The following TMEM184B variants were observed in gnomAD, a reference collection of about 807,000 sequenced individuals.
The protein encoded by TMEM184B is putative MAPK-activating protein FM08.
Under a neutral mutation model 41.8 loss-of-function variants are expected in TMEM184B, and 17 were observed. That is an observed-to-expected ratio of 0.41 (90% confidence interval 0.28 to 0.61). The LOEUF (loss-of-function observed/expected upper bound fraction) is 0.61. Among genes scored for constraint, TMEM184B ranks in the 20% least tolerant of loss-of-function variants. The pLI, the probability that TMEM184B is intolerant of heterozygous loss-of-function variation, is 0.34. For synonymous variants in TMEM184B, 240 were observed against 229.5 expected (o/e 1.05, Z -0.41); for missense variants, 393 against 557.8 (o/e 0.70, Z 2.98).
intron 1 of TMEM184B, among the ~76,000 whole-genome samples, chr22:38,254,155 C>T (rs1019887062): frequency 9.6e-5 from 14 of 145,306 alleles, no homozygotes; most frequent in African/African-American, 3.5e-4. Context: ...GAGCCAAGAT[C>T]GTGCCATTGC....
intron 1 of TMEM184B, among the ~76,000 whole-genome samples, chr22:38,269,224 C>T (rs764990497): frequency 9.2e-5 from 14 of 152,202 alleles, no homozygotes; most frequent in Non-Finnish European, 2.1e-4. Flanking sequence ...CTCCTAGTGA[C>T]CATTTCTTTT....
At chr22:38,247,257 T>A (rs888920146) in intron 2 of TMEM184B, among the ~76,000 whole-genome samples, 1 of 152,228 alleles carries the variant, frequency 6.6e-6, no homozygotes, top group Non-Finnish European at 1.5e-5. Context: ...GGCTCTCTGT[T>A]GTTTAGGCTG....
intron 3 of TMEM184B, among the ~76,000 whole-genome samples, chr22:38,240,465 T>C (rs1209015321): frequency 6.6e-6 from 1 of 150,738 alleles, no homozygotes; most frequent in East Asian, 2.0e-4. Context: ...GCCAGAAAAT[T>C]ATAAAGAAAA....
At chr22:38,224,370 T>A (rs766872858) in intron 8 of TMEM184B, among the ~76,000 whole-genome samples, 116 of 152,202 alleles carry the variant, frequency 7.6e-4, no homozygotes, top group Non-Finnish European at 7.5e-4. Flanking sequence ...CGCCTCGGCC[T>A]CCCAAAGTGC....
rs373757288 is a variant in TMEM184B, at chr22:38,243,824, C to T, written c.358+2111G>A. ...AGGAAGTAGGCATCTCCCATGGGCC[C>T]GGCTCTGTCTGGGCATGGCTGCACC... On this transcript the variant is annotated intron_variant, in intron 3 of 8. Coordinates refer to ENST00000361906, the MANE Select transcript of TMEM184B (RefSeq NM_012264.5). Among the ~76,000 whole-genome samples the T allele has an allele frequency of 2.6e-4, 39 of 152,300 alleles. No individual in the cohort carries two copies. The South Asian group carries it at 7.2e-3, about 28-fold the overall frequency.
downstream of TMEM184B, among the ~76,000 whole-genome samples, chr22:38,219,088 CTGGCTGGAGGT>C (rs1405845435): frequency 1.3e-5 from 2 of 152,228 alleles, no homozygotes; most frequent in African/African-American, 2.4e-5. Flanking sequence ...GGGTTGGGAA[CTGGCTGGAGGT>C]TGGGGAGACC....
chr22:38,227,223 C>T (rs1342487295), intron 5 of TMEM184B, among the ~76,000 whole-genome samples: 3 of 151,896 alleles, frequency 2.0e-5, no homozygotes, highest in Admixed American at 6.5e-5. Flanking sequence ...TGGCAGGGCA[C>T]GATGGAGGCG....
chr22:38,239,106 A>C lies in TMEM184B; in HGVS notation c.358+6829T>G, dbSNP rs1313615648. Among the ~76,000 whole-genome samples, 1 of 152,144 alleles carries C rather than the reference A, an allele frequency of 6.6e-6. No individual in the cohort carries two copies. The highest frequency in any genetic ancestry group is 1.5e-5 in the Non-Finnish European group (1 of 68,018). ...CCAGCACTGTCTCAGAGTTGTCTTTATGGCCCACCCCCAACCCCACAATCA... is the reference window on the plus strand; with the variant it reads ...CCAGCACTGTCTCAGAGTTGTCTTTCTGGCCCACCCCCAACCCCACAATCA... On this transcript the variant is annotated intron_variant, in intron 3 of 8. Coordinates refer to ENST00000361906, the MANE Select transcript of TMEM184B (RefSeq NM_012264.5). The surrounding 1 kb of genome is among the most constrained non-coding windows in gnomAD (Gnocchi z 4.6).
intron 3 of TMEM184B, among the ~76,000 whole-genome samples, chr22:38,238,974 A>C (rs1484767691): frequency 6.6e-6 from 1 of 152,222 alleles, no homozygotes; most frequent in African/African-American, 2.4e-5. Context: ...AAAACTGTGA[A>C]ATGCCACGCA....
chr22:38,247,498 G>C (rs1044041175), intron 2 of TMEM184B, among the ~76,000 whole-genome samples: 3 of 152,248 alleles, frequency 2.0e-5, no homozygotes, highest in African/African-American at 4.8e-5. Flanking sequence ...TACTCAGGAG[G>C]CTGAGGCAGG....
chr22:38,259,506 G>A (rs1192107460), intron 1 of TMEM184B, among the ~76,000 whole-genome samples: 1 of 152,212 alleles, frequency 6.6e-6, no homozygotes, highest in Non-Finnish European at 1.5e-5. Flanking sequence ...GCGTGACAAA[G>A]GAAGCAGAGA....
chr22:38,223,469 C>T (rs1419617888), intron 8 of TMEM184B: 1 of 152,400 alleles, frequency 6.6e-6, no homozygotes, highest in African/African-American at 2.4e-5. Context: ...CCTTTGTGCA[C>T]CTGCTCTTTG....
Position 38,225,566 on chromosome 22 carries a change from G to C in TMEM184B, c.645C>G (p.Thr215=). The C allele has an allele frequency of 6.2e-7, 1 of 1,606,788 alleles. No individual in the cohort carries two copies. The highest frequency in any genetic ancestry group is 8.5e-7 in the Non-Finnish European group (1 of 1,177,176). The change falls in exon 7 of 9, where the codon ACC becomes ACG. Residue 215 remains threonine, a synonymous_variant. Transcript: ENST00000361906. The surrounding 1 kb of genome is among the most constrained non-coding windows in gnomAD (Gnocchi z 4.4). ...FDVTSGYLYV[T]IIYNISVSLA... is the part of the protein sequence containing the mutation. ...GGCTGACGGAGATGTTGTAGATGAT[G>C]GTCACGTAGAGGTAGCCACTGGTGA...
At chr22:38,236,187 A>T (rs992079439) in intron 3 of TMEM184B, among the ~76,000 whole-genome samples, 3 of 151,936 alleles carry the variant, frequency 2.0e-5, no homozygotes, top group African/African-American at 7.3e-5. Context: ...TCTGGGAGGA[A>T]CTCCTCCATC....
intron 5 of TMEM184B, among the ~76,000 whole-genome samples, chr22:38,227,282 G>C (rs984183644): frequency 1.1e-4 from 16 of 152,142 alleles, no homozygotes; most frequent in African/African-American, 3.9e-4. Flanking sequence ...GGACCATCAG[G>C]TGGGTGCCGG....
chr22:38,226,762 G>A lies in TMEM184B; in HGVS notation c.617+17C>T, dbSNP rs769598158. 2.5e-6 allele frequency: 4 copies of A among 1,582,360 alleles called. No homozygotes were observed. Among genetic ancestry groups the A allele is most frequent in the East Asian group, 2.3e-5 (1 of 43,478 alleles). Reference sequence around the variant, plus strand: ...CAACACTCCTCCCACACACCCCGGGGAGCACCCGCTGCTTACTCAAAGTCC... The same window carrying A: ...CAACACTCCTCCCACACACCCCGGGAAGCACCCGCTGCTTACTCAAAGTCC... On this transcript the variant is annotated intron_variant, in intron 6 of 8. Coordinates refer to ENST00000361906, the MANE Select transcript of TMEM184B (RefSeq NM_012264.5). The surrounding 1 kb of genome is among the most constrained non-coding windows in gnomAD (Gnocchi z 4.6).
At position 38,219,843 on chromosome 22, in the gene TMEM184B, C is replaced by G; in HGVS notation, c.*1626G>C. On this transcript the variant is annotated 3_prime_UTR_variant, in exon 9 of 9. Transcript: ENST00000361906. ...CTCCCGGGCAGCTTGGGCCCAACTG[C>G]TCCGCCCCCCCAAGATGGAGGGGGA... The G allele has an allele frequency of 1.0e-6, 1 of 985,440 alleles. No individual in the cohort carries two copies. The highest frequency in any genetic ancestry group is 1.2e-6 in the Non-Finnish European group (1 of 829,962). The allele number at this position is 985,440 out of a possible 1,614,324, so 61.0% of individuals were successfully genotyped here.
In TMEM184B at chr22:38,221,541, G is replaced by C. The variant is rs929994056; in HGVS notation, c.1152C>G (p.Ser384=). The C allele has an allele frequency of 6.2e-7, 1 of 1,613,866 alleles. No individual in the cohort carries two copies. Among genetic ancestry groups the C allele is most frequent in the African/African-American group, 1.3e-5 (1 of 75,066 alleles). The part of the protein sequence containing the change: ...PTWRGGAHGL[S]RSHSLSGARD... ...GGGCGCCACTGAGGCTGTGGGAGCGGGAGAGGCCGTGGGCGCCACCACGCC... is the reference window on the plus strand; with the variant it reads ...GGGCGCCACTGAGGCTGTGGGAGCGCGAGAGGCCGTGGGCGCCACCACGCC... The change falls in exon 9 of 9, where the codon TCC becomes TCG. Residue 384 remains serine (S), a synonymous_variant. Coordinates refer to ENST00000361906, the MANE Select transcript of TMEM184B (RefSeq NM_012264.5).
chr22:38,259,688 A>G (rs570196162), intron 1 of TMEM184B, among the ~76,000 whole-genome samples: 1 of 152,372 alleles, frequency 6.6e-6, no homozygotes, highest in East Asian at 1.9e-4. Flanking sequence ...AGTGAAACAC[A>G]TTCTGGACCT....
Sources: allele counts gnomAD v4.1 joint callset (sites outside exome capture counted in the v4.1 genomes callset), GRCh38; gene constraint gnomAD v4.1.1; non-coding constraint Gnocchi (gnomAD v3.1); transcripts MANE v1.5; gene names NCBI Gene and HGNC (gene_info 2026-07-23, HGNC 2026-07-21).